The following STK32B variants were observed in gnomAD, a reference collection of about 807,000 sequenced individuals.
The protein encoded by STK32B is serine/threonine-protein kinase 32B.
In STK32B, 43 loss-of-function variants were observed where a neutral mutation model predicts 52.6. The observed-to-expected ratio is 0.82, with a 90% confidence interval of 0.64 to 1.05. The LOEUF is 1.05. Ranked by LOEUF, STK32B falls within the 50% of genes least tolerant of loss-of-function variation. The probability of loss-of-function intolerance (pLI) is 0.00; values close to 1 mark genes in which losing one functional copy is unlikely to be tolerated. For synonymous variants in STK32B, 238 were observed against 204.3 expected, an observed-to-expected ratio of 1.17 and a Z score of -1.41; for missense variants, 621 against 534.6, an observed-to-expected ratio of 1.16 and a Z score of -1.59.
intron 6 of STK32B, among the ~76,000 whole-genome samples, chr4:5,435,319 C>A (rs1713960352): frequency 6.6e-6 from 1 of 152,190 alleles, no homozygotes; most frequent in Non-Finnish European, 1.5e-5. Context: ...CCACAGCCTA[C>A]CACGATTATC....
Position 5,499,010 on chromosome 4 carries a change from C to A in STK32B, c.1172C>A (p.Ala391Asp). 6.2e-7 allele frequency: 1 copy of A among 1,613,812 alleles called. No individual in the cohort carries two copies. The highest frequency in any genetic ancestry group is 8.5e-7 in the Non-Finnish European group (1 of 1,179,858). Residue 391 changes from alanine to aspartate, a missense_variant, in exon 12 of 12, where the codon GCC becomes GAC. Coordinates refer to ENST00000282908, the MANE Select transcript of STK32B (RefSeq NM_018401.3). ...ACCGACAGCCGAGGGGGAGGCCAGG[C>A]CCAAAGCAAGCTCCAGGACGGGTGC... ...LDTDSRGGGQ[A>D]QSKLQDGCNN...
chr4:5,452,673 A>T (rs761045883), intron 7 of STK32B, among the ~76,000 whole-genome samples: 20 of 152,124 alleles, frequency 1.3e-4, no homozygotes, highest in Non-Finnish European at 2.1e-4. Flanking sequence ...GGGAAAAAAA[A>T]ATTGGATTAG....
intron 1 of STK32B, among the ~76,000 whole-genome samples, chr4:5,055,886 A>G (rs975233511): frequency 4.0e-5 from 6 of 151,434 alleles, no homozygotes; most frequent in Non-Finnish European, 8.8e-5. Flanking sequence ...TGTGGAAATT[A>G]TCACCATCTA....
intron 3 of STK32B, among the ~76,000 whole-genome samples, chr4:5,222,370 A>G (rs760295715): frequency 6.6e-6 from 1 of 152,186 alleles, no homozygotes; most frequent in Non-Finnish European, 1.5e-5. Context: ...AGAATTGACT[A>G]TTAAGGGCAA....
intron 3 of STK32B, among the ~76,000 whole-genome samples, chr4:5,169,334 AG>A (rs1719148466): frequency 6.6e-6 from 1 of 152,142 alleles, no homozygotes; most frequent in South Asian, 2.1e-4. Flanking sequence ...ATTGTGTTGA[AG>A]GGGAGAGGGA....
At chr4:5,170,462 C>A (rs916574137) in intron 3 of STK32B, among the ~76,000 whole-genome samples, 1 of 151,954 alleles carries the variant, frequency 6.6e-6, no homozygotes, top group African/African-American at 2.4e-5. Context: ...CTCCCCCGTC[C>A]CCCCACCCCA....
chr4:5,217,389 G>A (rs540170637), intron 3 of STK32B, among the ~76,000 whole-genome samples: 6 of 152,148 alleles, frequency 3.9e-5, no homozygotes, highest in Non-Finnish European at 8.8e-5. Flanking sequence ...TGAAGGAGGC[G>A]GTGGGGGAGG....
At chr4:5,041,660 ACT>A in the STK32B span, among the ~76,000 whole-genome samples, 1 of 152,078 alleles carries the variant, frequency 6.6e-6, no homozygotes, top group East Asian at 1.9e-4. Context: ...ACACATAAAG[ACT>A]CTTAACAATA....
chr4:5,299,349 C>T (rs971211844), intron 3 of STK32B, among the ~76,000 whole-genome samples: 1 of 152,080 alleles, frequency 6.6e-6, no homozygotes, highest in Admixed American at 6.6e-5. Context: ...TCTTCATGGG[C>T]CCAGGGCCAG....
intron 1 of STK32B, among the ~76,000 whole-genome samples, chr4:5,053,557 C>T (rs1741873073): frequency 6.6e-6 from 1 of 152,180 alleles, no homozygotes; most frequent in Non-Finnish European, 1.5e-5. Context: ...CATTTATCCC[C>T]AGCTTGAAAA....
rs1717684286 is a variant in STK32B at position 5,469,347 on chromosome 4, C to A, written c.1106+1277C>A. Among the ~76,000 whole-genome samples, 1 of 152,244 alleles carries A rather than the reference C, an allele frequency of 6.6e-6. No individual in the cohort carries two copies. Among genetic ancestry groups the A allele is most frequent in the African/African-American group, 2.4e-5 (1 of 41,472 alleles). ...AGGCCAAGGGCCACCCAGGGCAGTG[C>A]ATGTCACAGCAGACACCTGGCTCAG... On this transcript the variant is annotated intron_variant, in intron 11 of 11. Transcript: ENST00000282908. The surrounding 1 kb of genome is among the most constrained non-coding windows in gnomAD (Gnocchi z 4.7).
At chr4:5,449,847 C>T (rs1223525018) in intron 7 of STK32B, among the ~76,000 whole-genome samples, 1 of 152,176 alleles carries the variant, frequency 6.6e-6, no homozygotes, top group Admixed American at 6.5e-5. Context: ...CACTGTCTCC[C>T]ATCACCCCCA....
chr4:5,366,835 G>T (rs7673861), intron 4 of STK32B, among the ~76,000 whole-genome samples: 3 of 152,040 alleles, frequency 2.0e-5, no homozygotes, highest in African/African-American at 7.3e-5. Flanking sequence ...CATCCGTTGC[G>T]TACCCAGTGT....
chr4:5,132,989 G>A (rs981204583), intron 1 of STK32B, among the ~76,000 whole-genome samples: 3 of 152,064 alleles, frequency 2.0e-5, no homozygotes, highest in Non-Finnish European at 4.4e-5. Flanking sequence ...AGGAGAGATG[G>A]GGTTTTGCCA....
chr4:5,424,154 C>T (rs1037225528), intron 6 of STK32B, among the ~76,000 whole-genome samples: 2 of 152,152 alleles, frequency 1.3e-5, no homozygotes, highest in African/African-American at 4.8e-5. Flanking sequence ...GACATGCCAG[C>T]CCCCTGCTAC....
At chr4:5,397,188 C>G (rs959906928) in intron 4 of STK32B, among the ~76,000 whole-genome samples, 3 of 152,208 alleles carry the variant, frequency 2.0e-5, no homozygotes, top group African/African-American at 7.2e-5. Flanking sequence ...TCATTAGTCT[C>G]AGTAGATTTG....
intron 4 of STK32B, among the ~76,000 whole-genome samples, chr4:5,346,317 T>G (rs73211148): frequency 0.033 from 4,970 of 152,228 alleles, 125 homozygotes; most frequent in South Asian, 0.048. Flanking sequence ...GCAGTGTACA[T>G]GAAGGAATGT....
chr4:5,034,401 G>C, the STK32B span, among the ~76,000 whole-genome samples: 1 of 152,100 alleles, frequency 6.6e-6, no homozygotes, highest in South Asian at 2.1e-4. Flanking sequence ...CTGGGCCTCC[G>C]GACACACAGT....
chr4:5,426,897 G>A (rs368517407), intron 6 of STK32B: 1 of 152,002 alleles, frequency 6.6e-6, no homozygotes, highest in Non-Finnish European at 1.5e-5. Context: ...TACTATTCAG[G>A]TGAAGCAGTG....
Sources: allele counts gnomAD v4.1 joint callset (sites outside exome capture counted in the v4.1 genomes callset), GRCh38; gene constraint gnomAD v4.1.1; non-coding constraint Gnocchi (gnomAD v3.1); transcripts MANE v1.5; gene names NCBI Gene and HGNC (gene_info 2026-07-23, HGNC 2026-07-21).